MARK1: variants seen among roughly 807,000 people sequenced by gnomAD.
MARK1 encodes microtubule affinity regulating kinase 1.
A neutral mutation model predicts 96.3 loss-of-function variants in MARK1; 40 were observed. That is an observed-to-expected ratio of 0.42 (90% CI 0.32 to 0.54). The LOEUF (loss-of-function observed/expected upper bound fraction) is 0.54. MARK1 is among the 20% of genes least tolerant of loss of function. The pLI, the probability that MARK1 is intolerant of heterozygous loss-of-function variation, is 0.16. For missense variants in MARK1, 719 were observed against 984.6 expected, an observed-to-expected ratio of 0.73 and a Z score of 3.61; for synonymous variants, 317 against 341.2, an observed-to-expected ratio of 0.93 and a Z score of 0.78.
At chr1:220,659,783 A>G (rs980738939) in intron 17 of MARK1, among the ~76,000 whole-genome samples, 2 of 152,130 alleles carry the variant, frequency 1.3e-5, no homozygotes, top group African/African-American at 4.8e-5. Context: ...CTATAACTTC[A>G]GAAAACTAAT....
intron 1 of MARK1, among the ~76,000 whole-genome samples, chr1:220,538,412 G>C (rs952350411): frequency 1.3e-5 from 2 of 150,252 alleles, no homozygotes; most frequent in East Asian, 3.9e-4. Flanking sequence ...ATTTCTGAGG[G>C]CTCTGTTCTG....
chr1:220,645,769 T>G (rs545461196), intron 13 of MARK1, among the ~76,000 whole-genome samples: 1 of 152,182 alleles, frequency 6.6e-6, no homozygotes, highest in African/African-American at 2.4e-5. Flanking sequence ...TCAATAAATG[T>G]AATCAGTCAC....
chr1:220,570,658 T>C (rs1438246512), intron 1 of MARK1, among the ~76,000 whole-genome samples: 1 of 152,182 alleles, frequency 6.6e-6, no homozygotes, highest in African/African-American at 2.4e-5. Flanking sequence ...TAATATGTTA[T>C]TGGTGATATC....
chr1:220,563,264 A>C (rs1165414602), intron 1 of MARK1, among the ~76,000 whole-genome samples: 1 of 152,208 alleles, frequency 6.6e-6, no homozygotes, highest in African/African-American at 2.4e-5. Context: ...GAGGAAATTT[A>C]TAAATAATTT....
At chr1:220,630,760 T>A (rs1318516516) in intron 9 of MARK1, among the ~76,000 whole-genome samples, 5 of 152,218 alleles carry the variant, frequency 3.3e-5, no homozygotes, top group Admixed American at 3.3e-4. Context: ...AGTAAATTCT[T>A]ATGTTAAAAT....
chr1:220,599,924 A>G, intron 5 of MARK1, 61 bp downstream of exon 5: 1 of 1,050,680 alleles, frequency 9.5e-7, no homozygotes, highest in East Asian at 2.6e-5. Flanking sequence ...GTTAACACCT[A>G]AGAGTTCATT....
chr1:220,601,137 C>G (rs565984547), intron 5 of MARK1, among the ~76,000 whole-genome samples: 52 of 152,190 alleles, frequency 3.4e-4, no homozygotes, highest in African/African-American at 1.2e-3. Flanking sequence ...CCAGGATGGT[C>G]TCGATCTCCT....
At chr1:220,558,535 A>G (rs1014892224) in intron 1 of MARK1, among the ~76,000 whole-genome samples, 2 of 152,058 alleles carry the variant, frequency 1.3e-5, no homozygotes, top group Admixed American at 6.5e-5. Context: ...TGAAAAAAAG[A>G]TGATTAAGAA....
chr1:220,614,916 C>T (rs1666654699), intron 6 of MARK1, among the ~76,000 whole-genome samples: 1 of 151,882 alleles, frequency 6.6e-6, no homozygotes, highest in South Asian at 2.1e-4. Flanking sequence ...CACCCATATT[C>T]CTATTAGCAT....
chr1:220,558,064 A>G (rs1399779780), intron 1 of MARK1, among the ~76,000 whole-genome samples: 1 of 151,540 alleles, frequency 6.6e-6, no homozygotes, highest in Non-Finnish European at 1.5e-5. Flanking sequence ...TGGGAGGTCA[A>G]GGTTGCAGCA....
chr1:220,632,033 G>C (rs889533752), intron 10 of MARK1, among the ~76,000 whole-genome samples, 168 bp from the exon 11 acceptor site: 7 of 152,150 alleles, frequency 4.6e-5, no homozygotes, highest in Non-Finnish European at 7.3e-5. Context: ...TACAATATCT[G>C]TGAACATATG....
At chr1:220,538,476 T>A (rs1247457641) in intron 1 of MARK1, among the ~76,000 whole-genome samples, 1 of 152,226 alleles carries the variant, frequency 6.6e-6, no homozygotes, top group Non-Finnish European at 1.5e-5. Context: ...TTTTGGTTAC[T>A]GTAGCCTTGT....
chr1:220,587,541 T>C (rs903416204), intron 3 of MARK1, among the ~76,000 whole-genome samples: 4 of 152,080 alleles, frequency 2.6e-5, no homozygotes, highest in African/African-American at 9.7e-5. Context: ...GCTAATTTTT[T>C]GTATTTTTAG....
intron 12 of MARK1, 107 bp from the exon 13 acceptor site, chr1:220,635,726 T>C: frequency 8.5e-7 from 1 of 1,174,198 alleles, no homozygotes; most frequent in Non-Finnish European, 1.2e-6. Flanking sequence ...TCGTTCAGAG[T>C]TTAAAGCATG....
intron 1 of MARK1, among the ~76,000 whole-genome samples, chr1:220,563,804 T>C (rs1253429531): frequency 6.6e-6 from 1 of 152,220 alleles, no homozygotes; most frequent in Non-Finnish European, 1.5e-5. Flanking sequence ...CCAGACCTGT[T>C]CATTTCTTTT....
intron 4 of MARK1, 25 bp from the exon 5 acceptor site, chr1:220,599,773 A>G: frequency 2.3e-6 from 3 of 1,312,956 alleles, no homozygotes; most frequent in Non-Finnish European, 3.3e-6. Flanking sequence ...ACAGTTATAG[A>G]GTTATATCTC....
intron 9 of MARK1, among the ~76,000 whole-genome samples, chr1:220,619,652 G>A (rs1451191450): frequency 1.3e-5 from 2 of 152,056 alleles, no homozygotes; most frequent in African/African-American, 4.8e-5. Flanking sequence ...ATTATAAATG[G>A]ACTAAGTATG....
At position 220,652,366 on chromosome 1, in the gene MARK1, T is replaced by G. The variant is rs3737298; in HGVS notation, c.1736+216T>G. The stretch of plus-strand genomic sequence containing the variant: ...ACTTAAATCATTTTCTAGAGGAATT[T>G]TTTTAAGGATTTGATTTTACATCCG... On this transcript the variant is annotated intron_variant, in intron 15 of 17. Coordinates refer to ENST00000366917, the MANE Select transcript of MARK1 (RefSeq NM_018650.5). Among the ~76,000 whole-genome samples the G allele has an allele frequency of 1.6e-4, 24 of 152,370 alleles. No homozygotes were observed. In the East Asian group the frequency reaches 3.8e-3, roughly 24 times the overall value.
At chr1:220,582,037 A>G (rs1220673878) in intron 3 of MARK1, among the ~76,000 whole-genome samples, 1 of 152,218 alleles carries the variant, frequency 6.6e-6, no homozygotes, top group Non-Finnish European at 1.5e-5. Flanking sequence ...AGAATCTTAT[A>G]AGAAATTGTT....
Sources: gnomAD v4.1 joint callset for allele counts (sites outside exome capture counted in the v4.1 genomes callset) on GRCh38, gnomAD v4.1.1 for gene constraint, MANE v1.5 for transcripts, NCBI Gene and HGNC (gene_info 2026-07-23, HGNC 2026-07-21) for gene names.